GALNTL6: variants seen among roughly 807,000 people sequenced by gnomAD.
GALNTL6 encodes polypeptide N-acetylgalactosaminyltransferase like 6, also known as polypeptide N-acetylgalactosaminyltransferase-like 6.
A neutral mutation model predicts 73.7 loss-of-function variants in GALNTL6; 46 were observed. The ratio of observed to expected loss-of-function variants is 0.62; its 90% CI spans 0.49 to 0.80. GALNTL6 has a LOEUF of 0.80. Ranked by LOEUF, GALNTL6 falls within the 30% of genes least tolerant of loss-of-function variation. The pLI is 0.00. For synonymous variants in GALNTL6, 259 were observed against 263.7 expected (o/e 0.98, Z 0.17); for missense variants, 604 against 755.0 (o/e 0.80, Z 2.34).
chr4:172,482,057 C>G (rs775250050), intron 5 of GALNTL6, among the ~76,000 whole-genome samples: 1 of 152,224 alleles, frequency 6.6e-6, no homozygotes, highest in African/African-American at 2.4e-5. Flanking sequence ...TCGAGCGCAG[C>G]GCAGGTGGCC....
chr4:172,328,738 G>A (rs1023240807), intron 4 of GALNTL6, among the ~76,000 whole-genome samples: 1 of 152,040 alleles, frequency 6.6e-6, no homozygotes, highest in African/African-American at 2.4e-5. Context: ...TTCATACTGG[G>A]TGTTCTATCT....
chr4:172,955,347 A>T (rs1380388126), intron 10 of GALNTL6, among the ~76,000 whole-genome samples: 1 of 151,934 alleles, frequency 6.6e-6, no homozygotes, highest in Non-Finnish European at 1.5e-5. Flanking sequence ...GCATGGTGGC[A>T]TGTGCCTGTA....
chr4:172,690,700 C>T (rs1238340858), intron 5 of GALNTL6, among the ~76,000 whole-genome samples: 2 of 152,172 alleles, frequency 1.3e-5, no homozygotes, highest in African/African-American at 4.8e-5. Flanking sequence ...CTTGAGATAA[C>T]ATTTCCCAAT....
chr4:172,955,527 CA>C (rs200083189), intron 10 of GALNTL6, among the ~76,000 whole-genome samples: 24 of 150,406 alleles, frequency 1.6e-4, no homozygotes, highest in African/African-American at 4.9e-4. Flanking sequence ...TAATCTCTGA[CA>C]AAAAAAAAGA....
intron 10 of GALNTL6, among the ~76,000 whole-genome samples, chr4:172,964,461 G>C (rs767242573): frequency 3.9e-5 from 6 of 152,124 alleles, no homozygotes; most frequent in Non-Finnish European, 5.9e-5. Context: ...TTGTCACCTT[G>C]CGATTGTGCA....
chr4:172,301,643 T>C (rs1685326682), intron 3 of GALNTL6, among the ~76,000 whole-genome samples: 1 of 152,192 alleles, frequency 6.6e-6, no homozygotes, highest in South Asian at 2.1e-4. Context: ...CTCCAGACCC[T>C]GTTTTCCTGG....
At chr4:171,955,384 A>ATC (rs1368275791) in intron 2 of GALNTL6, among the ~76,000 whole-genome samples, 1,869 of 49,524 alleles carry the variant, frequency 0.038, 13 homozygotes, top group Admixed American at 0.092. Context: ...CTATCTATCT[A>ATC]TATATATATA....
chr4:172,311,593 C>T (rs377073080), intron 3 of GALNTL6, 21 bp from the exon 4 acceptor site: 26 of 1,585,284 alleles, frequency 1.6e-5, no homozygotes, highest in Non-Finnish European at 2.2e-5. Flanking sequence ...ATGATAATCT[C>T]ATTTTGTTTT....
intron 3 of GALNTL6, among the ~76,000 whole-genome samples, chr4:172,298,838 T>G (rs966543370): frequency 6.6e-6 from 1 of 152,192 alleles, no homozygotes; most frequent in African/African-American, 2.4e-5. Context: ...CTTTTTTTGT[T>G]GTGTCTCTGC....
chr4:171,864,702 T>C (rs1735926215), intron 2 of GALNTL6, among the ~76,000 whole-genome samples: 1 of 152,218 alleles, frequency 6.6e-6, no homozygotes, highest in South Asian at 2.1e-4. Flanking sequence ...GTCCACCTTC[T>C]AGTTTCTTAC....
intron 8 of GALNTL6, among the ~76,000 whole-genome samples, chr4:172,920,555 GA>G (rs1250188619): frequency 6.6e-6 from 1 of 152,082 alleles, no homozygotes; most frequent in Non-Finnish European, 1.5e-5. Context: ...ATACAATTAG[GA>G]AGTTATTTTC....
At chr4:172,177,814 T>TGC (rs1735086333) in intron 2 of GALNTL6, among the ~76,000 whole-genome samples, 1 of 125,714 alleles carries the variant, frequency 8.0e-6, no homozygotes, top group Non-Finnish European at 1.6e-5. Context: ...CACATATATG[T>TGC]GTGTGTATAT....
At chr4:172,758,723 A>G (rs984356343) in intron 5 of GALNTL6, among the ~76,000 whole-genome samples, 1 of 152,178 alleles carries the variant, frequency 6.6e-6, no homozygotes, top group African/African-American at 2.4e-5. Flanking sequence ...TAGCATGTCA[A>G]AATTTCACTT....
At chr4:171,919,533 G>A (rs1427219264) in intron 2 of GALNTL6, among the ~76,000 whole-genome samples, 1 of 152,064 alleles carries the variant, frequency 6.6e-6, no homozygotes, top group Non-Finnish European at 1.5e-5. Flanking sequence ...GGTGATATTA[G>A]ATCAGGAAGC....
chr4:172,957,392 G>A (rs181763092), intron 10 of GALNTL6, among the ~76,000 whole-genome samples: 6 of 152,308 alleles, frequency 3.9e-5, no homozygotes, highest in Admixed American at 2.6e-4. Flanking sequence ...AGAACCATTT[G>A]TCTTGTGTGG....
At chr4:172,470,615 G>A (rs577091059) in intron 5 of GALNTL6, among the ~76,000 whole-genome samples, 199 of 152,218 alleles carry the variant, frequency 1.3e-3, no homozygotes, top group Non-Finnish European at 3.7e-4. Flanking sequence ...CAAAGGTATT[G>A]CAAGCCATAT....
chr4:172,305,062 A>G (rs1418423670), intron 3 of GALNTL6, among the ~76,000 whole-genome samples: 2 of 152,088 alleles, frequency 1.3e-5, no homozygotes, highest in Admixed American at 6.6e-5. Context: ...ATTATAGAAT[A>G]TTTCTAGCTG....
chr4:172,964,901 G>A (rs1481811354), intron 10 of GALNTL6, among the ~76,000 whole-genome samples: 1 of 152,218 alleles, frequency 6.6e-6, no homozygotes, highest in Non-Finnish European at 1.5e-5. Flanking sequence ...GAGAGCCAAA[G>A]CCAACTTTCC....
chr4:172,568,631 G>C (rs977710773), intron 5 of GALNTL6, among the ~76,000 whole-genome samples: 2 of 151,124 alleles, frequency 1.3e-5, no homozygotes, highest in Non-Finnish European at 3.0e-5. Context: ...GATGGTGGGC[G>C]CCTGTAGTCC....
Sources: allele counts gnomAD v4.1 joint callset (sites outside exome capture counted in the v4.1 genomes callset), GRCh38; gene constraint gnomAD v4.1.1; transcripts MANE v1.5; gene names NCBI Gene and HGNC (gene_info 2026-07-23, HGNC 2026-07-21).